BCOR: variants seen among roughly 807,000 people sequenced by gnomAD.
BCOR encodes the protein BCL-6 corepressor.
In BCOR, 10 loss-of-function variants were observed where a neutral mutation model predicts 86.7. The observed-to-expected ratio is 0.12, with a 90% CI of 0.07 to 0.20. The LOEUF is 0.20. Ranked by LOEUF, BCOR falls within the 10% of genes least tolerant of loss-of-function variation. The pLI is 1.00. For synonymous variants in BCOR, 611 were observed against 609.0 expected (o/e 1.00, Z -0.05); for missense variants, 1,259 against 1,452.1 (o/e 0.87, Z 2.16).
chrX:40,102,623 G>A (rs1410143346), upstream of BCOR, among the ~76,000 whole-genome samples: 1 of 113,766 alleles, frequency 8.8e-6, no homozygotes, highest in Non-Finnish European at 1.9e-5. Flanking sequence ...ACTCGCCTTC[G>A]GACCCAGTGT....
chrX:40,132,900 A>G lies in BCOR; in HGVS notation c.-41+44107T>C, dbSNP rs1166379352. 2.7e-5 allele frequency among the ~76,000 whole-genome samples: 3 copies of G among 111,779 alleles called. No homozygotes were observed. The East Asian group carries it at 8.4e-4, about 31-fold the overall frequency. On this transcript the variant is annotated intron_variant, in intron 1 of 14. Coordinates refer to the BCOR transcript ENST00000342274. ...TTAAAGATAGAGATTTCCAGGCCCC[A>G]CCCCAGGCCTAGTGAGTCAGTATTT...
At chrX:40,128,529 G>C (rs1399900085) in intron 1 of BCOR, among the ~76,000 whole-genome samples, 5 of 111,977 alleles carry the variant, frequency 4.5e-5, no homozygotes, top group Admixed American at 9.5e-5. Context: ...CTGGGCAACA[G>C]AGTGAGACCC....
chrX:40,120,316 A>AAC (rs1337917175), intron 1 of BCOR, among the ~76,000 whole-genome samples: 1 of 110,908 alleles, frequency 9.0e-6, no homozygotes, highest in Admixed American at 9.6e-5. Context: ...TCCCTGCAGG[A>AAC]ATGCCCCTTC....
chrX:40,129,268 G>A (rs1022827658), intron 1 of BCOR, among the ~76,000 whole-genome samples: 10 of 110,839 alleles, frequency 9.0e-5, no homozygotes, highest in Non-Finnish European at 1.7e-4. Context: ...GGCAGATCAC[G>A]AGGTCAAGAG....
At position 40,052,348 on chromosome X, in the gene BCOR, A is replaced by G. The variant is rs772836203; in HGVS notation, c.5029T>C (p.Ser1677Pro). Residue 1677 changes from serine to proline, a missense_variant, in exon 15 of 15, where the codon TCC becomes CCC. Ser to Pro is a moderately conservative substitution (Grantham distance 74, BLOSUM62 -1). Around this residue, in one of 7 missense-constraint regions of BCOR, gnomAD observed 137 missense variants for 149.8 expected, o/e 0.91. Coordinates refer to ENST00000378444, the MANE Select transcript of BCOR (RefSeq NM_001123385.2). Reference sequence around the variant, plus strand: ...GGAAAATTGCAGCGAAATATGCGGGAGGACATTTTCAATTTCTTAAGGACA... The same window carrying G: ...GGAAAATTGCAGCGAAATATGCGGGGGGACATTTTCAATTTCTTAAGGACA... ...SDVLKKLKMS[S>P]RIFRCNFPNV... 6.6e-6 allele frequency: 8 copies of G among 1,209,903 alleles called. No individual in the cohort carries two copies. The South Asian group carries it at 1.2e-4, about 19-fold the overall frequency.
rs5963725 is a variant in BCOR, at chrX:40,052,404, C to A, written c.4977-4G>T. On this transcript the variant is annotated splice_polypyrimidine_tract_variant and splice_region_variant and intron_variant, in intron 14 of 14. Coordinates refer to ENST00000378444, the MANE Select transcript of BCOR (RefSeq NM_001123385.2). ...AAGCAGTAGCCAGTTTCGTGGCCTA[C>A]AAAACAGAAAGGAAAATGCTTTGAG... 0.18 allele frequency: 216,496 copies of A among 1,205,271 alleles called. 14,154 individuals carry two copies. The highest frequency in any genetic ancestry group is 0.26 in the Middle Eastern group (1,108 of 4,345).
chrX:40,121,444 C>T (rs1937485026), intron 1 of BCOR, among the ~76,000 whole-genome samples: 1 of 112,899 alleles, frequency 8.9e-6, no homozygotes, highest in Non-Finnish European at 1.9e-5. Context: ...CAGGCCTCCC[C>T]AGTGCACAGC....
intron 1 of BCOR, among the ~76,000 whole-genome samples, chrX:40,165,769 T>TTATCTATCTATCTATC (rs35175801): frequency 1.2e-4 from 13 of 111,431 alleles, no homozygotes; most frequent in African/African-American, 4.0e-4. Context: ...GGGCATGAGA[T>TTATCTATCTATCTATC]TATCTATCTA....
chrX:40,149,902 C>A (rs1938135006), intron 1 of BCOR, among the ~76,000 whole-genome samples: 1 of 112,471 alleles, frequency 8.9e-6, no homozygotes, highest in Non-Finnish European at 1.9e-5. Context: ...TTCTGAGGCA[C>A]TCTGAGCCTT....
At position 40,072,855 on chromosome X, in the gene BCOR, C is replaced by T. The variant is rs1935547351; in HGVS notation, c.2491G>A (p.Val831Ile). Residue 831 changes from valine to isoleucine, a missense_variant, in exon 4 of 15, where the codon GTT becomes ATT. Coordinates refer to ENST00000378444, the MANE Select transcript of BCOR (RefSeq NM_001123385.2). ...VSKPSFAAES[V>I]GQSAEPPKPS... ...TTGGGGGGCTCAGCGCTCTGGCCAA[C>T]ACTCTCTGCTGCAAAGCTGGGTTTG... 1 of 1,211,859 alleles carries T rather than the reference C, an allele frequency of 8.3e-7. No individual in the cohort carries two copies. Among genetic ancestry groups the T allele is most frequent in the Non-Finnish European group, 1.1e-6 (1 of 895,558 alleles).
At chrX:40,098,224 C>A (rs1170831201), upstream of BCOR, among the ~76,000 whole-genome samples, 1 of 109,587 alleles carries the variant, frequency 9.1e-6, no homozygotes, top group Non-Finnish European at 1.9e-5. Flanking sequence ...GGTGATTCCC[C>A]AGGAAAGGTT....
At chrX:40,164,819 C>T (rs373924935) in intron 1 of BCOR, among the ~76,000 whole-genome samples, 1 of 112,645 alleles carries the variant, frequency 8.9e-6, no homozygotes, top group East Asian at 2.8e-4. Flanking sequence ...AATCCCACAC[C>T]TTTTCATTCT....
intron 1 of BCOR, among the ~76,000 whole-genome samples, chrX:40,115,726 G>A (rs1231940588): frequency 9.5e-6 from 1 of 105,756 alleles, no homozygotes; most frequent in Non-Finnish European, 1.9e-5. Context: ...CTAGTGAGCC[G>A]AGATCGCACC....
At chrX:40,107,502 C>G (rs1006143201) in intron 1 of BCOR, among the ~76,000 whole-genome samples, 2 of 113,400 alleles carry the variant, frequency 1.8e-5, no homozygotes, top group African/African-American at 6.4e-5. Context: ...TTTAAGCCTG[C>G]AATTAAGCGA....
chrX:40,153,163 G>A (rs998351041), intron 1 of BCOR, among the ~76,000 whole-genome samples: 2 of 113,090 alleles, frequency 1.8e-5, no homozygotes, highest in South Asian at 7.1e-4. Flanking sequence ...GCGGGGGGAG[G>A]GGGTAGCCAG....
intron 1 of BCOR, among the ~76,000 whole-genome samples, chrX:40,175,043 C>G (rs1275990307): frequency 3.6e-5 from 4 of 112,649 alleles, no homozygotes. Flanking sequence ...TCGGCGGTTT[C>G]CTGGCGAAGC....
At chrX:40,144,985 T>TCCCCCCCCCCCCCCCCC (rs1938008409) in intron 1 of BCOR, among the ~76,000 whole-genome samples, 1 of 43,815 alleles carries the variant, frequency 2.3e-5, no homozygotes. Context: ...TCAACCCCCC[T>TCCCCCCCCCCCCCCCCC]CCCCCCGCCC....
chrX:40,070,522 T>C (rs1364525275), intron 6 of BCOR, among the ~76,000 whole-genome samples: 1 of 111,275 alleles, frequency 9.0e-6, no homozygotes, highest in African/African-American at 3.3e-5. Context: ...TGGCCAATTC[T>C]CCCCCACCCC....
At chrX:40,084,404 G>C (rs991439720) in intron 1 of BCOR, among the ~76,000 whole-genome samples, 3 of 111,960 alleles carry the variant, frequency 2.7e-5, no homozygotes, top group Non-Finnish European at 5.6e-5. Flanking sequence ...AGGAAACCAC[G>C]TGTGTATTCA....
Sources: gnomAD v4.1 joint callset for allele counts (sites outside exome capture counted in the v4.1 genomes callset) on GRCh38, gnomAD v4.1.1 for gene constraint, gnomAD v4.1.1 regional missense constraint, MANE v1.5 for transcripts, NCBI Gene and HGNC (gene_info 2026-07-23, HGNC 2026-07-21) for gene names.